The following LUC7L3 variants were observed in gnomAD, a reference collection of about 807,000 sequenced individuals.
LUC7L3 encodes the protein LUC7 like 3 pre-mRNA splicing factor.
LUC7L3 carries 6 observed loss-of-function variants against 66.8 expected under a neutral mutation model. The observed-to-expected ratio is 0.09, with a 90% CI of 0.05 to 0.18. The LOEUF (loss-of-function observed/expected upper bound fraction) is 0.18, where lower values mean the gene tolerates loss of function less well. Among genes scored for constraint, LUC7L3 ranks in the 10% least tolerant of loss-of-function variants. The pLI, the probability that LUC7L3 is intolerant of heterozygous loss-of-function variation, is 1.00. For synonymous variants in LUC7L3, 160 were observed against 174.7 expected, an observed-to-expected ratio of 0.92 and a Z score of 0.66; for missense variants, 341 against 531.1, an observed-to-expected ratio of 0.64 and a Z score of 3.52.
intron 2 of LUC7L3, among the ~76,000 whole-genome samples, chr17:50,738,779 A>C (rs1970157832): frequency 6.6e-6 from 1 of 152,206 alleles, no homozygotes; most frequent in Admixed American, 6.5e-5. Flanking sequence ...CTTAAGAAAA[A>C]AAATTTGCAG....
In LUC7L3 at chr17:50,741,079, C is replaced by T. The variant is rs555513773; in HGVS notation, c.207-23C>T. On this transcript the variant is annotated intron_variant, in intron 3 of 9. Transcript: ENST00000505658. ...ATGGCTGAAGATTTGGAAATGAGTA[C>T]TTGTTTATTTTCATGTTACCAGGTA... The T allele has an allele frequency of 3.3e-5, 54 of 1,613,058 alleles. No homozygotes were observed. In the South Asian group the frequency reaches 5.2e-4, roughly 15 times the overall value.
At chr17:50,745,520 G>A (rs890635597) in intron 7 of LUC7L3, among the ~76,000 whole-genome samples, 200 bp from the exon 8 acceptor site, 1 of 152,154 alleles carries the variant, frequency 6.6e-6, no homozygotes, top group South Asian at 2.1e-4. Flanking sequence ...ACTCTTGAGT[G>A]CCAGAAATTT....
intron 9 of LUC7L3, among the ~76,000 whole-genome samples, chr17:50,747,331 A>G (rs1970743183): frequency 1.3e-5 from 2 of 150,986 alleles, no homozygotes; most frequent in African/African-American, 4.9e-5. Flanking sequence ...TTTCACAAGA[A>G]TATTCTCATC....
In LUC7L3 at chr17:50,750,512, T is replaced by C. The variant is rs1179555477; in HGVS notation, c.1150T>C (p.Ser384Pro). The C allele has an allele frequency of 2.5e-6, 4 of 1,613,244 alleles. No homozygotes were observed. The highest frequency in any genetic ancestry group is 3.4e-6 in the Non-Finnish European group (4 of 1,179,634). Residue 384 changes from serine (S) to proline (P), a missense_variant, in exon 10 of 10, where the codon TCT becomes CCT. Physicochemically the swap from Ser to Pro is moderately conservative, Grantham distance 74. Transcript: ENST00000505658. ...TTCTTTTATGGCAGAAAAGAGGGGA[T>C]CTGATGATAAAAAAAGTAGTGTGAA... ...RKSKEKEKRG[S>P]DDKKSSVKSG...
chr17:50,748,077 A>G (rs1044505804), intron 9 of LUC7L3, among the ~76,000 whole-genome samples: 2 of 152,144 alleles, frequency 1.3e-5, no homozygotes, highest in Non-Finnish European at 2.9e-5. Context: ...TACATTTCCT[A>G]TTGTTAGCTT....
At chr17:50,747,232 C>CTTTTTTTTT (rs757254602) in intron 9 of LUC7L3, among the ~76,000 whole-genome samples, 2 of 102,986 alleles carry the variant, frequency 1.9e-5, no homozygotes, top group African/African-American at 5.2e-5. Flanking sequence ...TTTTCTTTTT[C>CTTTTTTTTT]TTTTTTTTTT....
chr17:50,751,864 G>T lies in LUC7L3; in HGVS notation c.*1203G>T. On this transcript the variant is annotated 3_prime_UTR_variant, in exon 10 of 10. Coordinates refer to ENST00000505658, the MANE Select transcript of LUC7L3 (RefSeq NM_016424.5). ...AAATATTAAAAGTTAGGTACTGTAA[G>T]TGTTCTTAAAACCTGTAAACTTCAT... 9.9e-7 allele frequency: 1 copy of T among 1,013,910 alleles called. No homozygotes were observed. The highest frequency in any genetic ancestry group is 1.2e-6 in the Non-Finnish European group (1 of 847,038). 62.8% of individuals were successfully genotyped at this position (1,013,910 alleles called of 1,614,324 possible). A position where few individuals can be genotyped will look rare whatever the true frequency, so the allele number is the denominator to read the frequency against.
At chr17:50,744,270 A>G (rs561040837) in intron 6 of LUC7L3, among the ~76,000 whole-genome samples, 3 of 152,332 alleles carry the variant, frequency 2.0e-5, no homozygotes, top group South Asian at 4.1e-4. Context: ...ATTGAATAGG[A>G]TATGTTCAGA....
At position 50,750,715 on chromosome 17, in the gene LUC7L3, T is replaced by G; in HGVS notation, c.*54T>G. On this transcript the variant is annotated 3_prime_UTR_variant, in exon 10 of 10. Coordinates refer to ENST00000505658, the MANE Select transcript of LUC7L3 (RefSeq NM_016424.5). Reference sequence around the variant, plus strand: ...CAGAGGTAAGTGTATTGTTTCTCACTTTGATTAGGGCTTTTTGTTACTGTT... The same window carrying G: ...CAGAGGTAAGTGTATTGTTTCTCACGTTGATTAGGGCTTTTTGTTACTGTT... The G allele has an allele frequency of 6.2e-7, 1 of 1,613,892 alleles. No homozygotes were observed.
In LUC7L3 at chr17:50,753,221, A is replaced by G. The variant is rs953618535; in HGVS notation, c.*2560A>G. 2 of 152,644 alleles carry G rather than the reference A, an allele frequency of 1.3e-5. No homozygotes were observed. The highest frequency in any genetic ancestry group is 4.8e-5 in the African/African-American group (2 of 41,446). The allele number at this position is 152,644 out of a possible 1,614,324, so 9.5% of individuals were successfully genotyped here. ...AAAAGTATTCTCTCCAGCTACGTAT[A>G]TACACACATACATATATATCATAGC... is the stretch of plus-strand genomic sequence containing the variant. On this transcript the variant is annotated 3_prime_UTR_variant, in exon 10 of 10. Coordinates refer to ENST00000505658, the MANE Select transcript of LUC7L3 (RefSeq NM_016424.5).
At chr17:50,735,230 C>CAAAAAAAAAAAAA (rs907051149) in intron 1 of LUC7L3, among the ~76,000 whole-genome samples, 1 of 64,996 alleles carries the variant, frequency 1.5e-5, no homozygotes, top group African/African-American at 5.5e-5. Context: ...AACTCTGTCT[C>CAAAAAAAAAAAAA]AAAAAAAAAA....
chr17:50,750,430 C>CT (rs758072465), intron 9 of LUC7L3, 71 bp from the exon 10 acceptor site: 60 of 1,449,644 alleles, frequency 4.1e-5, no homozygotes, highest in Admixed American at 2.8e-4. Context: ...AGTTGTTTCA[C>CT]TTTTTTTCAA....
intron 9 of LUC7L3, chr17:50,749,428 C>T (rs1345975418): frequency 1.7e-6 from 2 of 1,144,336 alleles, no homozygotes; most frequent in South Asian, 1.5e-5. Flanking sequence ...ACTACTTGGA[C>T]ATTGCTTTGT....
intron 1 of LUC7L3, among the ~76,000 whole-genome samples, chr17:50,734,983 C>T (rs1969880102): frequency 6.6e-6 from 1 of 152,128 alleles, no homozygotes; most frequent in Non-Finnish European, 1.5e-5. Context: ...GTAATCCTAG[C>T]ACTTTCGGAG....
At chr17:50,730,513 C>CAAAAAAAAAAAAAAAAAAAAAAAA (rs3063109) in intron 1 of LUC7L3, among the ~76,000 whole-genome samples, 19 of 59,088 alleles carry the variant, frequency 3.2e-4, no homozygotes, top group African/African-American at 5.3e-4. Flanking sequence ...ACTCTGTCTC[C>CAAAAAAAAAAAAAAAAAAAAAAAA]AAAAAAAAAA....
intron 1 of LUC7L3, among the ~76,000 whole-genome samples, chr17:50,731,274 T>G (rs1205489619): frequency 6.6e-6 from 1 of 152,186 alleles, no homozygotes; most frequent in Non-Finnish European, 1.5e-5. Context: ...GTTCAAGCGA[T>G]TCTCCCACCT....
chr17:50,725,987 A>G (rs1969154670), intron 1 of LUC7L3, among the ~76,000 whole-genome samples: 1 of 152,184 alleles, frequency 6.6e-6, no homozygotes, highest in Non-Finnish European at 1.5e-5. Flanking sequence ...ACCTGTTGCT[A>G]TTACAGTGAG....
chr17:50,723,901 C>T (rs1051736977), intron 1 of LUC7L3: 2 of 445,432 alleles, frequency 4.5e-6, no homozygotes, highest in African/African-American at 4.0e-5. Context: ...TCCCAAAGTG[C>T]TGAGGTTACA....
At chr17:50,736,811 AT>A (rs1326565984) in intron 1 of LUC7L3, 148 bp from the exon 2 acceptor site, 1 of 587,646 alleles carries the variant, frequency 1.7e-6, no homozygotes, top group Non-Finnish European at 3.0e-6. Context: ...AAAATCACTA[AT>A]TTACCTAATA....
Sources: allele counts gnomAD v4.1 joint callset (sites outside exome capture counted in the v4.1 genomes callset), GRCh38; gene constraint gnomAD v4.1.1; transcripts MANE v1.5; gene names NCBI Gene and HGNC (gene_info 2026-07-23, HGNC 2026-07-21).